DNAJC13: variants seen among roughly 807,000 people sequenced by gnomAD.
The protein encoded by DNAJC13 is DnaJ heat shock protein family (Hsp40) member C13, also known as dnaJ homolog subfamily C member 13.
Under a neutral mutation model 290.5 loss-of-function variants are expected in DNAJC13, and 75 were observed. That is an observed-to-expected ratio of 0.26 (90% CI 0.21 to 0.31). DNAJC13 has a LOEUF of 0.31. Ranked by LOEUF, DNAJC13 falls within the 10% of genes least tolerant of loss-of-function variation. DNAJC13 has a pLI of 1.00. For missense variants in DNAJC13, 2,260 were observed against 2,674.5 expected (o/e 0.85, Z 3.42); for synonymous variants, 862 against 892.0 (o/e 0.97, Z 0.60).
intron 1 of DNAJC13, among the ~76,000 whole-genome samples, chr3:132,431,206 G>A (rs1266668867): frequency 6.6e-6 from 1 of 152,112 alleles, no homozygotes; most frequent in African/African-American, 2.4e-5. Context: ...TTTTGTATCA[G>A]GCACTCTTGT....
intron 1 of DNAJC13, among the ~76,000 whole-genome samples, chr3:132,421,088 C>T (rs1347078808): frequency 6.6e-6 from 1 of 152,110 alleles, no homozygotes; most frequent in Non-Finnish European, 1.5e-5. Context: ...TTCTGAATTA[C>T]TGTGAAGTAG....
intron 13 of DNAJC13, 64 bp downstream of exon 13, chr3:132,457,432 C>A: frequency 7.8e-7 from 1 of 1,278,484 alleles, no homozygotes; most frequent in Non-Finnish European, 1.1e-6. Flanking sequence ...TTGATTTCCA[C>A]AGTCCCAGAT....
intron 20 of DNAJC13, 137 bp from the exon 21 acceptor site, chr3:132,473,008 T>C (rs1934336408): frequency 3.1e-6 from 2 of 641,896 alleles, no homozygotes; most frequent in Non-Finnish European, 5.5e-6. Context: ...TTATAGATTT[T>C]ATTTATTCCG....
Position 132,456,828 on chromosome 3 carries a change from C to T in DNAJC13, c.1345C>T (p.Pro449Ser), listed in dbSNP as rs753412069. 1 of 1,611,346 alleles carries T rather than the reference C, an allele frequency of 6.2e-7. No individual in the cohort carries two copies. The highest frequency in any genetic ancestry group is 1.7e-5 in the Admixed American group (1 of 59,322). ...TGGTTTCCTGGCTTTCACTCAGCTT[C>T]CAAAGTAAGTTGTCTTCTGAAACTT... ...KAGFLAFTQL[P>S]KFRERLGVKV... is the part of the protein sequence containing the mutation. Residue 449 changes from proline to serine, a missense_variant, in exon 12 of 56, where the codon CCA (proline) becomes TCA (serine). Physicochemically the swap from Pro to Ser is moderately conservative, Grantham distance 74 (BLOSUM62 -1). This residue lies in a region of DNAJC13 where 762 missense variants were observed against 964.1 expected (regional missense o/e 0.79). Coordinates refer to ENST00000260818, the MANE Select transcript of DNAJC13 (RefSeq NM_015268.4).
In DNAJC13 at chr3:132,472,176, G is replaced by T. The variant is rs571998461; in HGVS notation, c.2209-969G>T. Among the ~76,000 whole-genome samples the T allele has an allele frequency of 4.6e-5, 7 of 152,118 alleles. No homozygotes were observed. In the East Asian group the frequency reaches 1.4e-3, roughly 29 times the overall value. On this transcript the variant is annotated intron_variant, in intron 20 of 55. Coordinates refer to ENST00000260818, the MANE Select transcript of DNAJC13 (RefSeq NM_015268.4). ...AGGCAGGGAGGTTGCAGTGAGCCGA[G>T]ATGGCAGCAGTACAGTCCAGCTTCG...
intron 1 of DNAJC13, among the ~76,000 whole-genome samples, chr3:132,434,021 C>T (rs976794691): frequency 2.0e-5 from 3 of 152,158 alleles, no homozygotes; most frequent in African/African-American, 7.2e-5. Flanking sequence ...AGACCATCCT[C>T]GCTACGGTGA....
chr3:132,436,150 C>T (rs957779188), intron 2 of DNAJC13, among the ~76,000 whole-genome samples: 1 of 152,176 alleles, frequency 6.6e-6, no homozygotes, highest in Non-Finnish European at 1.5e-5. Context: ...TTTGAGAACA[C>T]TTTCATCACC....
At chr3:132,508,519 G>GA (rs1314071996) in intron 43 of DNAJC13, among the ~76,000 whole-genome samples, 1 of 152,156 alleles carries the variant, frequency 6.6e-6, no homozygotes, top group African/African-American at 2.4e-5. Flanking sequence ...TTACCCTTCT[G>GA]AAAATCCTAG....
intron 5 of DNAJC13, among the ~76,000 whole-genome samples, chr3:132,449,290 A>G (rs2107662946): frequency 6.6e-6 from 1 of 152,320 alleles, no homozygotes; most frequent in East Asian, 1.9e-4. Context: ...TGGCCCCTGC[A>G]ATCCTGAGGG....
intron 33 of DNAJC13, among the ~76,000 whole-genome samples, chr3:132,493,840 C>G (rs1389967304): frequency 6.6e-6 from 1 of 151,720 alleles, no homozygotes; most frequent in Non-Finnish European, 1.5e-5. Flanking sequence ...GTAAAGATAA[C>G]ATGTAAAAAA....
At chr3:132,523,099 G>C in intron 49 of DNAJC13, 58 bp from the exon 50 acceptor site, 2 of 1,610,674 alleles carry the variant, frequency 1.2e-6, no homozygotes, top group Non-Finnish European at 8.5e-7. Flanking sequence ...TTATGCTAAA[G>C]GTTAATGAAA....
At chr3:132,525,869 T>C (rs567020851) in intron 52 of DNAJC13, 80 bp downstream of exon 52, 586 of 1,463,564 alleles carry the variant, frequency 4.0e-4, no homozygotes, top group Non-Finnish European at 5.2e-4. Flanking sequence ...AGTTGTAGTA[T>C]TATATAAATC....
intron 48 of DNAJC13, among the ~76,000 whole-genome samples, chr3:132,519,379 C>T (rs904013360): frequency 6.6e-6 from 1 of 152,082 alleles, no homozygotes; most frequent in East Asian, 1.9e-4. Flanking sequence ...TTTTCATGTG[C>T]TTATTGGCCA....
At chr3:132,434,757 G>T in intron 2 of DNAJC13, 139 bp downstream of exon 2, 1 of 532,444 alleles carries the variant, frequency 1.9e-6, no homozygotes, top group Non-Finnish European at 3.1e-6. Flanking sequence ...TATTATAAAT[G>T]TAAATGCTAC....
chr3:132,439,840 A>G (rs950577202), intron 2 of DNAJC13, among the ~76,000 whole-genome samples: 1 of 152,180 alleles, frequency 6.6e-6, no homozygotes, highest in East Asian at 1.9e-4. Flanking sequence ...TATCTGAATG[A>G]GCCCTCCTTG....
rs147538346 is a variant in DNAJC13, at chr3:132,465,803, A to T, written c.1893-192A>T. ...AGGAAAACATTTTAATTTTTAGAAA[A>T]TTCCAAAATATTAGTAATATTTGAA... is the stretch of plus-strand genomic sequence containing the variant. On this transcript the variant is annotated intron_variant, in intron 17 of 55. Coordinates refer to ENST00000260818, the MANE Select transcript of DNAJC13 (RefSeq NM_015268.4). Among the ~76,000 whole-genome samples the T allele has an allele frequency of 1.8e-3, 272 of 152,132 alleles. 1 individual carries two copies. Among genetic ancestry groups the T allele is most frequent in the African/African-American group, 6.3e-3 (263 of 41,462 alleles).
chr3:132,491,980 A>G (rs1935070188), intron 32 of DNAJC13, among the ~76,000 whole-genome samples: 1 of 152,196 alleles, frequency 6.6e-6, no homozygotes, highest in Non-Finnish European at 1.5e-5. Flanking sequence ...CCCATCTAAA[A>G]GACGAATTGC....
intron 33 of DNAJC13, among the ~76,000 whole-genome samples, chr3:132,492,843 T>G (rs1201582482): frequency 6.6e-6 from 1 of 152,012 alleles, no homozygotes; most frequent in Non-Finnish European, 1.5e-5. Context: ...CTTGATCTTT[T>G]GTGGCAAAGA....
In DNAJC13 at chr3:132,534,771, G is replaced by A. The variant is rs1215295799; in HGVS notation, c.6626-3405G>A. Among the ~76,000 whole-genome samples the A allele has an allele frequency of 2.0e-5, 3 of 152,190 alleles. No individual in the cohort carries two copies. In the East Asian group the frequency reaches 5.8e-4, roughly 29 times the overall value. ...CCTACATCCTCTAACTACAGATGAT[G>A]TAGGCAAATTAAGAGATAAATTAGG... On this transcript the variant is annotated intron_variant, in intron 55 of 55. Transcript: ENST00000260818.
Sources: gnomAD v4.1 joint callset for allele counts (sites outside exome capture counted in the v4.1 genomes callset) on GRCh38, gnomAD v4.1.1 for gene constraint, gnomAD v4.1.1 regional missense constraint, MANE v1.5 for transcripts, NCBI Gene and HGNC (gene_info 2026-07-23, HGNC 2026-07-21) for gene names.